HDLBP: variants seen among roughly 807,000 people sequenced by gnomAD.
HDLBP encodes high density lipoprotein binding protein.
Under a neutral mutation model 137.3 loss-of-function variants are expected in HDLBP, and 30 were observed. The observed-to-expected ratio is 0.22, with a 90% CI of 0.16 to 0.30. The LOEUF is 0.30. Ranked by LOEUF, HDLBP falls within the 10% of genes least tolerant of loss-of-function variation. The probability of loss-of-function intolerance (pLI) is 1.00; values close to 1 mark genes in which losing one functional copy is unlikely to be tolerated. For missense variants in HDLBP, 1,119 were observed against 1,667.3 expected, an observed-to-expected ratio of 0.67 and a Z score of 5.73; for synonymous variants, 606 against 596.0, an observed-to-expected ratio of 1.02 and a Z score of -0.24.
intron 7 of HDLBP, 119 bp from the exon 8 acceptor site, chr2:241,255,699 A>G: frequency 1.4e-6 from 1 of 735,670 alleles, no homozygotes; most frequent in South Asian, 1.6e-5. Flanking sequence ...GCTGATCCCA[A>G]GAAGTGAACA....
At chr2:241,265,291 G>A (rs1316052234) in intron 3 of HDLBP, among the ~76,000 whole-genome samples, 1 of 152,166 alleles carries the variant, frequency 6.6e-6, no homozygotes, top group Non-Finnish European at 1.5e-5. Flanking sequence ...GGTGGTGCAT[G>A]CCTGTAATCC....
rs1052834645 is a variant in HDLBP, at chr2:241,272,482, C to T, written c.-102-3941G>A. On this transcript the variant is annotated intron_variant, in intron 1 of 27. Transcript: ENST00000310931. This position sits in a 1 kb window ranked among gnomAD's most constrained non-coding sequence, Gnocchi z 5.6. ...GCCAAGAGCGGCCCAGCGGCGCCAC[C>T]GGACTTGAGAAAGTTTGTGCGCGCC... The T allele has an allele frequency of 1.0e-6, 1 of 984,552 alleles. No individual in the cohort carries two copies. The highest frequency in any genetic ancestry group is 6.2e-5 in the Admixed American group (1 of 16,208). The allele number at this position is 984,552 out of a possible 1,614,324, so 61.0% of individuals were successfully genotyped here.
At chr2:241,281,675 T>G (rs867347918) in intron 1 of HDLBP, among the ~76,000 whole-genome samples, 1 of 152,244 alleles carries the variant, frequency 6.6e-6, no homozygotes, top group Non-Finnish European at 1.5e-5. Flanking sequence ...TAAAATGATA[T>G]GTGCTGTAAG....
chr2:241,276,334 G>T (rs73116321), intron 1 of HDLBP, among the ~76,000 whole-genome samples: 4,672 of 152,180 alleles, frequency 0.031, 171 homozygotes, highest in African/African-American at 0.084. Flanking sequence ...TAGGTGGTAG[G>T]TTCAGCGGTA....
rs760986441 is a variant in HDLBP at position 241,230,240 on chromosome 2, G to A, written c.3504C>T (p.Ala1168=). The A allele has an allele frequency of 1.2e-6, 2 of 1,606,794 alleles. No homozygotes were observed. Among genetic ancestry groups the A allele is most frequent in the African/African-American group, 2.7e-5 (2 of 74,818 alleles). ...KVDIRFPQSG[A]PDPNCVTVTG... ...TCACAGTGACGCAGTTGGGGTCTGGGGCTCCGCTCTGTGGGAAGCGAATGT... is the reference window on the plus strand; with the variant it reads ...TCACAGTGACGCAGTTGGGGTCTGGAGCTCCGCTCTGTGGGAAGCGAATGT... Residue 1168 remains alanine, a synonymous_variant, in exon 26 of 28, where the codon GCC becomes GCT. Transcript: ENST00000310931. This position sits in a 1 kb window ranked among gnomAD's most constrained non-coding sequence, Gnocchi z 5.0.
chr2:241,264,278 C>A, intron 4 of HDLBP, among the ~76,000 whole-genome samples, 170 bp downstream of exon 4: 1 of 150,254 alleles, frequency 6.7e-6, no homozygotes, highest in East Asian at 2.0e-4. Flanking sequence ...AGGAGAATGG[C>A]GTGAACCCGG....
rs1330822026 is a variant in HDLBP, at chr2:241,230,369, C to T, written c.3475-100G>A. ...GTGAAGCATTTTCTGAGTTAGCAAA[C>T]GTTTTAAAATCTGGTTTCAGAGTTG... On this transcript the variant is annotated intron_variant, in intron 25 of 27. Coordinates refer to ENST00000310931, the MANE Select transcript of HDLBP (RefSeq NM_005336.6). The surrounding 1 kb of genome is among the most constrained non-coding windows in gnomAD (Gnocchi z 5.0). 10 of 797,194 alleles carry T rather than the reference C, an allele frequency of 1.3e-5. No individual in the cohort carries two copies. Among genetic ancestry groups the T allele is most frequent in the South Asian group, 1.7e-5 (1 of 58,220 alleles). 49.4% of individuals were successfully genotyped at this position (797,194 alleles called of 1,614,324 possible). A position where few individuals can be genotyped will look rare whatever the true frequency, so the allele number is the denominator to read the frequency against.
At chr2:241,283,614 A>C (rs1354818498) in intron 1 of HDLBP, among the ~76,000 whole-genome samples, 1 of 151,836 alleles carries the variant, frequency 6.6e-6, no homozygotes, top group Non-Finnish European at 1.5e-5. Flanking sequence ...AGCTGGGACT[A>C]CAGGCGCCCA....
chr2:241,232,878 A>T (rs1261333928), intron 24 of HDLBP, among the ~76,000 whole-genome samples: 4 of 152,016 alleles, frequency 2.6e-5, no homozygotes, highest in African/African-American at 2.4e-5. Context: ...GTGGGGAGGG[A>T]AGAGGACGTG....
chr2:241,275,915 T>G (rs986626731), intron 1 of HDLBP, among the ~76,000 whole-genome samples: 1 of 152,112 alleles, frequency 6.6e-6, no homozygotes, highest in African/African-American at 2.4e-5. Context: ...AAAGGACATA[T>G]TTCAGCAAGA....
At chr2:241,237,562 A>G (rs2070698784) in intron 20 of HDLBP, among the ~76,000 whole-genome samples, 1 of 152,222 alleles carries the variant, frequency 6.6e-6, no homozygotes, top group African/African-American at 2.4e-5. Flanking sequence ...TGAAGGAGAA[A>G]AACTGGCAAA....
Position 241,264,459 on chromosome 2 carries a change from C to G in HDLBP, c.223G>C (p.Val75Leu). 6.2e-7 allele frequency: 1 copy of G among 1,611,146 alleles called. No homozygotes were observed. The highest frequency in any genetic ancestry group is 8.5e-7 in the Non-Finnish European group (1 of 1,178,020). Residue 75 changes from valine (V) to leucine (L), a missense_variant, in exon 4 of 28, where the codon GTC becomes CTC. Physicochemically the swap from Val to Leu is conservative, Grantham distance 32 (BLOSUM62 1). This residue lies in a region of HDLBP where 59 missense variants were observed against 92.4 expected (regional missense o/e 0.64). Transcript: ENST00000310931. ...GNKIRPIKASVITQVFHVPLE... is the reference protein window; with the variant it reads ...GNKIRPIKASLITQVFHVPLE... ...AATGGTGTTTCTACCTGAGTGATGA[C>G]AGAAGCCTTGATGGGTCGGATCTTG...
At chr2:241,275,776 T>C (rs1056306117) in intron 1 of HDLBP, among the ~76,000 whole-genome samples, 1 of 152,224 alleles carries the variant, frequency 6.6e-6, no homozygotes, top group Non-Finnish European at 1.5e-5. Context: ...ATAATGGCTA[T>C]ATATAAATTA....
At position 241,256,614 on chromosome 2, in the gene HDLBP, T is replaced by C. The variant is rs1267437924; in HGVS notation, c.643A>G (p.Ile215Val). 2.5e-6 allele frequency: 4 copies of C among 1,614,028 alleles called. No individual in the cohort carries two copies. The highest frequency in any genetic ancestry group is 2.5e-6 in the Non-Finnish European group (3 of 1,180,024). Reference protein sequence around the residue: ...IEKARHEVLLISAEQDKRAVE... With the variant: ...IEKARHEVLLVSAEQDKRAVE... ...ACAGGCCTCACCTGCTCGGCAGAGA[T>C]GAGTAAGACTTCATGGCGAGCTTTC... Residue 215 changes from isoleucine to valine, a missense_variant, in exon 6 of 28, where the codon ATC becomes GTC. Around this residue, in one of 4 missense-constraint regions of HDLBP, gnomAD observed 425 missense variants for 693.9 expected, o/e 0.61. Coordinates refer to ENST00000310931, the MANE Select transcript of HDLBP (RefSeq NM_005336.6).
In HDLBP at chr2:241,233,358, T is replaced by C. The variant is rs1422462778; in HGVS notation, c.3288+462A>G. On this transcript the variant is annotated intron_variant, in intron 24 of 27. Transcript: ENST00000310931. This position sits in a 1 kb window ranked among gnomAD's most constrained non-coding sequence, Gnocchi z 4.3. Reference sequence around the variant, plus strand: ...AGTGGCAGGGGGGTGGCACTGCAATTTGGAGGAAGTAACAACAAGAGTTTA... The same window carrying C: ...AGTGGCAGGGGGGTGGCACTGCAATCTGGAGGAAGTAACAACAAGAGTTTA... Among the ~76,000 whole-genome samples the C allele has an allele frequency of 1.3e-5, 2 of 151,928 alleles. No individual in the cohort carries two copies. The highest frequency in any genetic ancestry group is 1.9e-4 in the East Asian group (1 of 5,174).
intron 1 of HDLBP, among the ~76,000 whole-genome samples, chr2:241,281,526 A>T (rs1035315758): frequency 4.6e-5 from 7 of 152,184 alleles, no homozygotes; most frequent in Non-Finnish European, 8.8e-5. Flanking sequence ...GTCTCAAAAA[A>T]ATAAAAAAGA....
intron 27 of HDLBP, 22 bp downstream of exon 27, chr2:241,229,811 A>C: frequency 1.6e-6 from 1 of 622,204 alleles, no homozygotes. Context: ...GGGACCCAGG[A>C]GGGCAGAAGC....
At chr2:241,264,717 C>G in intron 3 of HDLBP, 112 bp from the exon 4 acceptor site, 3 of 1,029,182 alleles carry the variant, frequency 2.9e-6, no homozygotes, top group Non-Finnish European at 4.3e-6. Flanking sequence ...TCAAATGCTC[C>G]AAGGACAACT....
At chr2:241,289,084 T>C (rs531312209) in intron 1 of HDLBP, among the ~76,000 whole-genome samples, 5 of 152,348 alleles carry the variant, frequency 3.3e-5, no homozygotes, top group Non-Finnish European at 7.4e-5. Flanking sequence ...TACTTAAGAA[T>C]CTGAAAGATT....
Sources: allele counts gnomAD v4.1 joint callset (sites outside exome capture counted in the v4.1 genomes callset), GRCh38; gene constraint gnomAD v4.1.1; regional missense constraint gnomAD v4.1.1; non-coding constraint Gnocchi (gnomAD v3.1); transcripts MANE v1.5; gene names NCBI Gene and HGNC (gene_info 2026-07-23, HGNC 2026-07-21).